Variants in KAT2B observed in about 807,000 individuals in gnomAD.
The protein encoded by KAT2B is lysine acetyltransferase 2B.
A neutral mutation model predicts 105.9 loss-of-function variants in KAT2B; 36 were observed. The observed-to-expected ratio is 0.34, with a 90% CI of 0.26 to 0.45. The LOEUF is 0.45. KAT2B is among the 20% of genes least tolerant of loss of function. KAT2B has a pLI of 1.00. For synonymous variants in KAT2B, 397 were observed against 377.9 expected (o/e 1.05, Z -0.59); for missense variants, 820 against 1,021.6 (o/e 0.80, Z 2.69).
intron 1 of KAT2B, among the ~76,000 whole-genome samples, chr3:20,052,280 A>G (rs1697928213): frequency 6.6e-6 from 1 of 152,190 alleles, no homozygotes; most frequent in South Asian, 2.1e-4. Flanking sequence ...TTTGGAAATT[A>G]TGTTTTAAAA....
intron 12 of KAT2B, chr3:20,137,552 T>C (rs1353130865): frequency 1.3e-5 from 2 of 155,478 alleles, no homozygotes; most frequent in Non-Finnish European, 2.9e-5. Context: ...TTTTTTTTTT[T>C]TGAGACAGGG....
At chr3:20,079,231 G>T in intron 2 of KAT2B, among the ~76,000 whole-genome samples, 1 of 121,784 alleles carries the variant, frequency 8.2e-6, no homozygotes, top group African/African-American at 3.3e-5. Context: ...TTGCCACAGA[G>T]TCTGGCTCTG....
At chr3:20,054,347 T>G (rs1266721731) in intron 1 of KAT2B, among the ~76,000 whole-genome samples, 1 of 152,098 alleles carries the variant, frequency 6.6e-6, no homozygotes, top group South Asian at 2.1e-4. Flanking sequence ...CAGGCTGGTC[T>G]TGAATTCCTG....
At chr3:20,072,063 G>C (rs1408739274) in intron 1 of KAT2B, among the ~76,000 whole-genome samples, 1 of 152,136 alleles carries the variant, frequency 6.6e-6, no homozygotes, top group Admixed American at 6.6e-5. Flanking sequence ...ACACCCACTG[G>C]GGGCAATGGT....
chr3:20,116,720 G>A (rs887091538), intron 7 of KAT2B, among the ~76,000 whole-genome samples: 28 of 152,012 alleles, frequency 1.8e-4, no homozygotes, highest in African/African-American at 6.3e-4. Flanking sequence ...TTTATTAAGT[G>A]CTCAGCTAAG....
At chr3:20,056,433 C>T (rs1051418286) in intron 1 of KAT2B, among the ~76,000 whole-genome samples, 4 of 152,074 alleles carry the variant, frequency 2.6e-5, no homozygotes, top group African/African-American at 9.7e-5. Context: ...GGAGGTGATA[C>T]ATTAGATATG....
At chr3:20,099,756 TGTAAGA>T in intron 3 of KAT2B, 100 bp from the exon 4 acceptor site, 1 of 626,592 alleles carries the variant, frequency 1.6e-6, no homozygotes, top group Non-Finnish European at 2.9e-6. Flanking sequence ...TGTGTGTGTG[TGTAAGA>T]GAGAGAGAGA....
intron 10 of KAT2B, among the ~76,000 whole-genome samples, chr3:20,126,679 A>G (rs1273137000): frequency 6.6e-6 from 1 of 151,950 alleles, no homozygotes; most frequent in Non-Finnish European, 1.5e-5. Flanking sequence ...AAAATTAGCC[A>G]GGCCTGGTGA....
intron 5 of KAT2B, among the ~76,000 whole-genome samples, chr3:20,109,541 C>T (rs1699083304): frequency 6.6e-6 from 1 of 152,082 alleles, no homozygotes; most frequent in African/African-American, 2.4e-5. Flanking sequence ...TGGTCTTGAA[C>T]TCCTGGGCTC....
intron 4 of KAT2B, 158 bp from the exon 5 acceptor site, chr3:20,101,129 G>T: frequency 1.7e-6 from 1 of 601,446 alleles, no homozygotes; most frequent in Non-Finnish European, 2.9e-6. Flanking sequence ...ATTCCCTCTG[G>T]GGATTGCTAT....
At chr3:20,079,750 A>G (rs2125186391) in intron 2 of KAT2B, among the ~76,000 whole-genome samples, 1 of 152,256 alleles carries the variant, frequency 6.6e-6, no homozygotes, top group African/African-American at 2.4e-5. Flanking sequence ...ATGCCAAAGG[A>G]CGTAAACATG....
chr3:20,151,394 A>G (rs2125202159), intron 17 of KAT2B, among the ~76,000 whole-genome samples: 1 of 152,242 alleles, frequency 6.6e-6, no homozygotes, highest in Non-Finnish European at 1.5e-5. Flanking sequence ...TTCCCCCTGG[A>G]AATTTTATAA....
At chr3:20,068,883 G>C (rs1022553529) in intron 1 of KAT2B, among the ~76,000 whole-genome samples, 3 of 152,122 alleles carry the variant, frequency 2.0e-5, no homozygotes, top group African/African-American at 7.2e-5. Flanking sequence ...CTTTGGGAAA[G>C]GGCTGTGGAT....
chr3:20,120,786 C>T (rs1010797616), intron 8 of KAT2B, among the ~76,000 whole-genome samples: 2 of 151,924 alleles, frequency 1.3e-5, no homozygotes, highest in African/African-American at 4.8e-5. Context: ...ACAGACTTGA[C>T]GTCAGACAAA....
At chr3:20,045,845 C>T (rs1249349667) in intron 1 of KAT2B, among the ~76,000 whole-genome samples, 1 of 152,190 alleles carries the variant, frequency 6.6e-6, no homozygotes. Flanking sequence ...CATGGCATAA[C>T]AGTGAGGATT....
intron 1 of KAT2B, among the ~76,000 whole-genome samples, chr3:20,067,936 A>G (rs13096186): frequency 0.5 from 75,092 of 151,040 alleles, 19,738 homozygotes; most frequent in East Asian, 0.74. Context: ...TAACCTCCCA[A>G]AGTTCTAGGA....
chr3:20,128,116 A>G (rs144957599), intron 11 of KAT2B, among the ~76,000 whole-genome samples: 14 of 152,320 alleles, frequency 9.2e-5, no homozygotes, highest in Non-Finnish European at 2.1e-4. Flanking sequence ...GCTTTGTTGG[A>G]CTTTGGGGCG....
chr3:20,045,766 G>T (rs948472546), intron 1 of KAT2B, among the ~76,000 whole-genome samples: 1 of 152,156 alleles, frequency 6.6e-6, no homozygotes, highest in African/African-American at 2.4e-5. Flanking sequence ...ATCCAGCTCT[G>T]CAACCTTGGA....
intron 2 of KAT2B, among the ~76,000 whole-genome samples, chr3:20,077,772 G>A (rs1024816691): frequency 6.6e-6 from 1 of 152,164 alleles, no homozygotes; most frequent in African/African-American, 2.4e-5. Context: ...ATAATATTCA[G>A]TTTACAAAAA....
Sources: gnomAD v4.1 joint callset for allele counts (sites outside exome capture counted in the v4.1 genomes callset) on GRCh38, gnomAD v4.1.1 for gene constraint, MANE v1.5 for transcripts, NCBI Gene and HGNC (gene_info 2026-07-23, HGNC 2026-07-21) for gene names.